Variants in HYDIN observed in about 807,000 individuals in gnomAD.
HYDIN encodes the protein HYDIN axonemal central pair apparatus protein, also known as axonemal central pair apparatus protein HYDIN.
HYDIN carries 132 observed loss-of-function variants against 403.9 expected under a neutral mutation model. The observed-to-expected ratio is 0.33, with a 90% confidence interval of 0.28 to 0.38. The LOEUF (loss-of-function observed/expected upper bound fraction) is 0.38. Among genes scored for constraint, HYDIN ranks in the 10% least tolerant of loss-of-function variants. The pLI is 1.00. For missense variants in HYDIN, 2,827 were observed against 5,009.5 expected (o/e 0.56, Z 13.15); for synonymous variants, 1,202 against 1,891.7 (o/e 0.64, Z 9.46).
At chr16:71,230,105 C>A (rs2041215607) in intron 1 of HYDIN, among the ~76,000 whole-genome samples, 2 of 152,238 alleles carry the variant, frequency 1.3e-5, no homozygotes, top group Non-Finnish European at 2.9e-5. Flanking sequence ...CCAAGTGGAA[C>A]TGTGAGTCAA....
intron 12 of HYDIN, 162 bp from the exon 13 acceptor site, chr16:71,080,114 T>C: frequency 2.0e-6 from 1 of 503,072 alleles, no homozygotes; most frequent in Admixed American, 3.5e-5. Context: ...TCTATCACAG[T>C]GGTTCTTAAA....
intron 1 of HYDIN, among the ~76,000 whole-genome samples, chr16:71,198,449 C>G (rs1360878238): frequency 6.6e-6 from 1 of 152,100 alleles, no homozygotes; most frequent in Non-Finnish European, 1.5e-5. Context: ...CTCTGTCCTC[C>G]CCCATCTCTT....
At chr16:70,923,645 T>G (rs1320843305) in intron 45 of HYDIN, among the ~76,000 whole-genome samples, 1 of 22,518 alleles carries the variant, frequency 4.4e-5, no homozygotes. Context: ...TACTAAAAAA[T>G]ACAAAAAAAA....
chr16:71,180,167 G>T (rs1023831741), intron 3 of HYDIN, among the ~76,000 whole-genome samples: 2 of 151,374 alleles, frequency 1.3e-5, no homozygotes, highest in African/African-American at 4.9e-5. Context: ...AAGGCACAAA[G>T]AACAAATAGA....
chr16:70,902,806 TA>T (rs2076418885), intron 52 of HYDIN, among the ~76,000 whole-genome samples: 11 of 20,390 alleles, frequency 5.4e-4, no homozygotes, highest in Admixed American at 2.6e-3. Context: ...TATATATATA[TA>T]TATATATATA....
At chr16:71,022,060 C>A (rs1045971389) in intron 21 of HYDIN, among the ~76,000 whole-genome samples, 11 of 151,622 alleles carry the variant, frequency 7.3e-5, no homozygotes, top group African/African-American at 2.7e-4. Flanking sequence ...ACTCACCTTG[C>A]CTCTGCGGGT....
intron 10 of HYDIN, among the ~76,000 whole-genome samples, chr16:71,103,296 A>G (rs2083510923): frequency 2.8e-5 from 1 of 35,734 alleles, no homozygotes; most frequent in Admixed American, 3.7e-4. Flanking sequence ...AAATAAAGAT[A>G]ATAATTCCAG....
chr16:70,873,750 T>C (rs111537189), intron 64 of HYDIN, among the ~76,000 whole-genome samples: 6,897 of 149,066 alleles, frequency 0.046, no homozygotes, highest in African/African-American at 0.17. Flanking sequence ...CCTGGGGCCT[T>C]GTTAAAATGT....
intron 23 of HYDIN, among the ~76,000 whole-genome samples, chr16:71,002,644 T>A (rs1180434000): frequency 6.6e-6 from 1 of 151,764 alleles, no homozygotes; most frequent in Non-Finnish European, 1.5e-5. Flanking sequence ...TGACTTACAC[T>A]TTTCACGTTT....
At chr16:71,222,284 AC>A (rs1484100696) in intron 1 of HYDIN, among the ~76,000 whole-genome samples, 1 of 152,114 alleles carries the variant, frequency 6.6e-6, no homozygotes, top group Non-Finnish European at 1.5e-5. Context: ...AAAATCCAGC[AC>A]CCCTTTATGG....
At chr16:71,059,703 A>C (rs1241501270) in intron 18 of HYDIN, among the ~76,000 whole-genome samples, 8 of 152,188 alleles carry the variant, frequency 5.3e-5, no homozygotes, top group Non-Finnish European at 1.2e-4. Context: ...TGTGTGATAA[A>C]ATAATCTGCA....
chr16:71,165,680 G>C (rs1367829287), intron 5 of HYDIN, among the ~76,000 whole-genome samples: 1 of 151,994 alleles, frequency 6.6e-6, no homozygotes, highest in Admixed American at 6.6e-5. Flanking sequence ...GATGAGTGAC[G>C]GGAAATAAAT....
intron 18 of HYDIN, among the ~76,000 whole-genome samples, chr16:71,052,145 G>A (rs1415461145): frequency 1.3e-5 from 2 of 152,096 alleles, no homozygotes; most frequent in Non-Finnish European, 2.9e-5. Flanking sequence ...TGGTAAAATA[G>A]ACATAATAAT....
chr16:71,218,309 T>G (rs1027785075), intron 1 of HYDIN, among the ~76,000 whole-genome samples: 6 of 152,170 alleles, frequency 3.9e-5, no homozygotes, highest in Non-Finnish European at 7.3e-5. Flanking sequence ...AACCCATGTT[T>G]GGAAGTCCTC....
Position 70,863,315 on chromosome 16 carries a change from C to T in HYDIN, c.11472-133G>A, listed in dbSNP as rs2039526592. ...TTTCTTAAATATTTTTAAAAAGGCA[C>T]ATTTTAAGTAATTTTATTAGAAATC... is the stretch of plus-strand genomic sequence containing the variant. On this transcript the variant is annotated intron_variant, in intron 67 of 85. Coordinates refer to ENST00000393567, the MANE Select transcript of HYDIN (RefSeq NM_001270974.2). 1.6e-5 allele frequency: 13 copies of T among 794,394 alleles called. No individual in the cohort carries two copies. In the East Asian group the frequency reaches 2.5e-4, roughly 16 times the overall value. 49.2% of individuals were successfully genotyped at this position (794,394 alleles called of 1,614,324 possible). A position where few individuals can be genotyped will look rare whatever the true frequency, so the allele number is the denominator to read the frequency against.
Position 70,955,561 on chromosome 16 carries a change from C to A in HYDIN, c.6143-13G>T. The A allele has an allele frequency of 1.6e-6, 2 of 1,279,542 alleles. No homozygotes were observed. Among genetic ancestry groups the A allele is most frequent in the South Asian group, 2.6e-5 (2 of 76,920 alleles). The allele number at this position is 1,279,542 out of a possible 1,614,324, so 79.3% of individuals were successfully genotyped here. ...TTGGCTGACTTTCCTATTAAAAAGA[C>A]CAGGGGGTTGAATTTCACGGTGCTC... On this transcript the variant is annotated splice_polypyrimidine_tract_variant and intron_variant, in intron 39 of 85. Coordinates refer to ENST00000393567, the MANE Select transcript of HYDIN (RefSeq NM_001270974.2).
chr16:70,889,797 C>G, intron 57 of HYDIN, 93 bp from the exon 58 acceptor site: 3 of 758,216 alleles, frequency 4.0e-6, no homozygotes, highest in Admixed American at 5.1e-5. Context: ...GCCCTTCTCC[C>G]AGGAATGGGG....
rs751850409 is a variant in HYDIN at position 70,985,175 on chromosome 16, A to G, written c.4332+10T>C. On this transcript the variant is annotated intron_variant, in intron 28 of 85. Coordinates refer to ENST00000393567, the MANE Select transcript of HYDIN (RefSeq NM_001270974.2). The stretch of plus-strand genomic sequence containing the variant: ...GGTTTGAATTCGGGCCCCTCCCACC[A>G]TTTACTTACAGACACAGGCAGGATT... 10 of 1,611,212 alleles carry G rather than the reference A, an allele frequency of 6.2e-6. No individual in the cohort carries two copies. The Admixed American group carries it at 1.7e-4, about 27-fold the overall frequency.
chr16:71,212,096 G>A (rs1300222329), intron 1 of HYDIN, among the ~76,000 whole-genome samples: 3 of 152,200 alleles, frequency 2.0e-5, no homozygotes, highest in South Asian at 2.1e-4. Context: ...TGCAGCATAT[G>A]ATCTTTGACT....
Sources: allele counts gnomAD v4.1 joint callset (sites outside exome capture counted in the v4.1 genomes callset), GRCh38; gene constraint gnomAD v4.1.1; transcripts MANE v1.5; gene names NCBI Gene and HGNC (gene_info 2026-07-23, HGNC 2026-07-21).